NLRP7: variants seen among roughly 807,000 people sequenced by gnomAD.
The protein encoded by NLRP7 is NACHT, LRR and PYD domains-containing protein 7.
NLRP7 carries 72 observed loss-of-function variants against 85.5 expected under a neutral mutation model. That is an observed-to-expected ratio of 0.84 (90% CI 0.70 to 1.02). The LOEUF (loss-of-function observed/expected upper bound fraction) is 1.02, where lower values mean the gene tolerates loss of function less well. Among genes scored for constraint, NLRP7 ranks in the 50% least tolerant of loss-of-function variants. NLRP7 has a pLI of 0.00. For synonymous variants in NLRP7, 550 were observed against 505.2 expected, an observed-to-expected ratio of 1.09 and a Z score of -1.19; for missense variants, 1,243 against 1,219.5, an observed-to-expected ratio of 1.02 and a Z score of -0.29.
intron 9 of NLRP7, among the ~76,000 whole-genome samples, chr19:54,930,178 A>G (rs1430309223): frequency 6.6e-6 from 1 of 152,034 alleles, no homozygotes; most frequent in African/African-American, 2.4e-5. Flanking sequence ...AAACACTTTA[A>G]AAATGAGGCC....
upstream of NLRP7, chr19:54,947,548 G>A (rs753532804): frequency 7.8e-7 from 1 of 1,289,460 alleles, no homozygotes. Flanking sequence ...CTGGCCCTTG[G>A]TACGCTAGGT....
chr19:54,943,799 A>G (rs2069348565), intron 1 of NLRP7, among the ~76,000 whole-genome samples: 1 of 152,116 alleles, frequency 6.6e-6, no homozygotes, highest in African/African-American at 2.4e-5. Flanking sequence ...TAGACATAAG[A>G]GACTCCATTT....
At chr19:54,960,187 CCTCT>C (rs2069993011) in intron 1 of NLRP7, among the ~76,000 whole-genome samples, 2 of 151,776 alleles carry the variant, frequency 1.3e-5, no homozygotes, top group South Asian at 2.1e-4. Context: ...ATGTTGTCTC[CCTCT>C]ATCACCCAGG....
At chr19:54,956,464 C>T (rs145668428) in intron 1 of NLRP7, among the ~76,000 whole-genome samples, 3,422 of 151,286 alleles carry the variant, frequency 0.023, 69 homozygotes, top group Middle Eastern at 0.042. Context: ...CCAAGGCAGG[C>T]GGATCACTTG....
intron 1 of NLRP7, among the ~76,000 whole-genome samples, chr19:54,956,527 TA>T (rs11382567): frequency 6.7e-6 from 1 of 149,896 alleles, no homozygotes; most frequent in Non-Finnish European, 1.5e-5. Context: ...CCATCTCTAC[TA>T]AAAAAAAATA....
intron 6 of NLRP7, among the ~76,000 whole-genome samples, chr19:54,935,687 T>C (rs2068888177): frequency 7.6e-6 from 1 of 131,270 alleles, no homozygotes; most frequent in Non-Finnish European, 1.5e-5. Context: ...AATAAAACTG[T>C]CTCAAAGAAA....
At chr19:54,940,541 T>C in intron 3 of NLRP7, 75 bp from the exon 4 acceptor site, 2 of 1,531,636 alleles carry the variant, frequency 1.3e-6, no homozygotes, top group South Asian at 2.2e-5. Flanking sequence ...GTACCAGAAA[T>C]GAGGGCCAGG....
At chr19:54,952,521 G>A (rs1249294240) in intron 1 of NLRP7, among the ~76,000 whole-genome samples, 1 of 151,806 alleles carries the variant, frequency 6.6e-6, no homozygotes, top group South Asian at 2.1e-4. Context: ...TTGAACCTGG[G>A]AGGCGGAGGT....
chr19:54,946,234 A>G (rs1247031079), intron 1 of NLRP7, among the ~76,000 whole-genome samples: 1 of 139,888 alleles, frequency 7.1e-6, no homozygotes, highest in Admixed American at 7.3e-5. Context: ...TTTTTGATGC[A>G]GCATTTCACT....
intron 1 of NLRP7, among the ~76,000 whole-genome samples, chr19:54,963,587 G>C (rs1160944631): frequency 1.3e-5 from 2 of 152,014 alleles, no homozygotes; most frequent in African/African-American, 4.8e-5. Context: ...ACTTTGGGAG[G>C]CCGAGGTGAG....
Position 54,941,264 on chromosome 19 carries a change from G to A in NLRP7, c.277+171C>T, listed in dbSNP as rs185092346. Among the ~76,000 whole-genome samples, 285 of 151,454 alleles carry A rather than the reference G, an allele frequency of 1.9e-3. 6 individuals carry two copies. In the East Asian group the frequency reaches 0.019, roughly 10 times the overall value. Reference sequence around the variant, plus strand: ...ACACGCCTGTAATCCCAGCTACTCCGGAGGCTGAGATAGGAGAATCACTTG... The same window carrying A: ...ACACGCCTGTAATCCCAGCTACTCCAGAGGCTGAGATAGGAGAATCACTTG... On this transcript the variant is annotated intron_variant, in intron 2 of 9. Transcript: ENST00000340844.
rs104895521 is a variant in NLRP7 at position 54,934,407 on chromosome 19, G to GT, written c.2471+81_2471+82insA. Reference sequence around the variant, plus strand: ...TTTCAGCAAGAGGCGCCACGTGGGTGGCGCAGTAAGTCAGGTGTTACCCTT... The same window carrying GT: ...TTTCAGCAAGAGGCGCCACGTGGGTGTGCGCAGTAAGTCAGGTGTTACCCTT... On this transcript the variant is annotated intron_variant, in intron 7 of 9. Transcript: ENST00000340844. The surrounding 1 kb of genome is among the most constrained non-coding windows in gnomAD (Gnocchi z 6.7). 3.4e-5 allele frequency: 48 copies of GT among 1,404,368 alleles called. No homozygotes were observed. The highest frequency in any genetic ancestry group is 3.5e-4 in the Middle Eastern group (2 of 5,662). 87.0% of individuals were successfully genotyped at this position (1,404,368 alleles called of 1,614,324 possible).
intron 8 of NLRP7, among the ~76,000 whole-genome samples, chr19:54,931,703 A>G (rs913148629): frequency 1.3e-4 from 20 of 150,714 alleles, no homozygotes; most frequent in Non-Finnish European, 3.0e-5. Flanking sequence ...AAAAAAAATT[A>G]GCCAGGTGTG....
rs968472217 is a variant in NLRP7 at position 54,934,410 on chromosome 19, G to A, written c.2471+79C>T. 7.6e-6 allele frequency: 11 copies of A among 1,439,286 alleles called. No homozygotes were observed. Among genetic ancestry groups the A allele is most frequent in the South Asian group, 5.7e-5 (5 of 87,574 alleles). The allele number at this position is 1,439,286 out of a possible 1,614,324, so 89.2% of individuals were successfully genotyped here. ...CAGCAAGAGGCGCCACGTGGGTGGC[G>A]CAGTAAGTCAGGTGTTACCCTTTCT... On this transcript the variant is annotated intron_variant, in intron 7 of 9. Coordinates refer to ENST00000340844, the Ensembl canonical transcript of NLRP7. The surrounding 1 kb of genome is among the most constrained non-coding windows in gnomAD (Gnocchi z 6.7).
intron 1 of NLRP7, among the ~76,000 whole-genome samples, chr19:54,954,397 GC>G (rs2069780666): frequency 6.9e-6 from 1 of 145,278 alleles, no homozygotes; most frequent in Non-Finnish European, 1.5e-5. Context: ...GGGTGCGGTG[GC>G]GGGCGCCTGT....
chr19:54,935,907 C>T (rs773918962), intron 6 of NLRP7, among the ~76,000 whole-genome samples: 1 of 149,898 alleles, frequency 6.7e-6, no homozygotes, highest in Non-Finnish European at 1.5e-5. Flanking sequence ...CCCCCAAACC[C>T]GTCTGTGGAA....
At chr19:54,950,698 A>G (rs191817633), upstream of NLRP7, among the ~76,000 whole-genome samples, 1 of 150,636 alleles carries the variant, frequency 6.6e-6, no homozygotes, top group East Asian at 1.9e-4. Flanking sequence ...CAGTATATGG[A>G]ATATACAATC....
intron 1 of NLRP7, among the ~76,000 whole-genome samples, chr19:54,946,086 C>T (rs924005901): frequency 6.7e-6 from 1 of 149,738 alleles, no homozygotes; most frequent in Non-Finnish European, 1.5e-5. Flanking sequence ...CCACCGCGCC[C>T]GGCCGAGACA....
At chr19:54,927,481 G>A (rs930024354) in intron 9 of NLRP7, 124 bp downstream of exon 10, 17 of 865,688 alleles carry the variant, frequency 2.0e-5, no homozygotes, top group African/African-American at 3.4e-5. Context: ...GCTTGAACCT[G>A]AGAGGCAGAG....
Sources: allele counts gnomAD v4.1 joint callset (sites outside exome capture counted in the v4.1 genomes callset), GRCh38; gene constraint gnomAD v4.1.1; non-coding constraint Gnocchi (gnomAD v3.1); transcripts MANE v1.5; gene names NCBI Gene and HGNC (gene_info 2026-07-23, HGNC 2026-07-21).